Variants in PTCSC3 observed in about 807,000 individuals in gnomAD.
PTCSC3 encodes papillary thyroid carcinoma susceptibility candidate 3 (non-protein coding).
At chr14:36,143,228 A>G (rs1211482480) in intron 3 of PTCSC3, among the ~76,000 whole-genome samples, 9 of 146,518 alleles carry the variant, frequency 6.1e-5, no homozygotes, top group African/African-American at 2.3e-4. Flanking sequence ...CTGAGGAATC[A>G]CCACACTGAC....
intron 1 of PTCSC3, among the ~76,000 whole-genome samples, chr14:36,163,075 G>C (rs952665374): frequency 7.1e-6 from 1 of 141,236 alleles, no homozygotes; most frequent in African/African-American, 2.5e-5. Context: ...CTCAGGTTCT[G>C]TTATATAAAT....
chr14:36,166,682 AAC>A (rs367799472), intron 1 of PTCSC3, among the ~76,000 whole-genome samples: 325 of 152,280 alleles, frequency 2.1e-3, no homozygotes, highest in Middle Eastern at 6.8e-3. Context: ...CTTTGGTTTT[AAC>A]AGTCATATTC....
rs538647245 is a variant in PTCSC3 at position 36,162,424 on chromosome 14, TCA to T, written n.231+198_231+199del. On this transcript the variant is annotated intron_variant and non_coding_transcript_variant, in intron 2 of 3. Coordinates refer to ENST00000556013, the Ensembl canonical transcript of PTCSC3. ...ACTATGGAAAAGCATAGTATCTGGG[TCA>T]AAGTGCACCCTTCCTCATGGCACAG... is the stretch of plus-strand genomic sequence containing the variant. Among the ~76,000 whole-genome samples the T allele has an allele frequency of 2.3e-3, 357 of 152,098 alleles. 1 individual carries two copies. Among genetic ancestry groups the T allele is most frequent in the Middle Eastern group, 0.01 (3 of 294 alleles).
chr14:36,138,302 T>C (rs1881334796), intron 3 of PTCSC3, among the ~76,000 whole-genome samples: 1 of 152,188 alleles, frequency 6.6e-6, no homozygotes, highest in African/African-American at 2.4e-5. Context: ...GTCCTTGGTA[T>C]AGGCAAAGAT....
intron 3 of PTCSC3, among the ~76,000 whole-genome samples, chr14:36,148,395 C>G (rs546696195): frequency 2.0e-5 from 3 of 152,134 alleles, no homozygotes; most frequent in African/African-American, 7.2e-5. Flanking sequence ...GTCGGAAAAG[C>G]GCAGTATTCG....
intron 3 of PTCSC3, among the ~76,000 whole-genome samples, chr14:36,148,072 C>T (rs1295926324): frequency 2.0e-5 from 3 of 152,128 alleles, no homozygotes; most frequent in Admixed American, 2.0e-4. Flanking sequence ...TCAAAGCTGT[C>T]AGACAGGGAC....
At chr14:36,141,403 G>T (rs1376614655) in intron 3 of PTCSC3, among the ~76,000 whole-genome samples, 1 of 151,698 alleles carries the variant, frequency 6.6e-6, no homozygotes, top group African/African-American at 2.4e-5. Context: ...GATTTTCTTT[G>T]ATATTTTTCA....
At chr14:36,142,946 T>G (rs1158332757) in intron 3 of PTCSC3, among the ~76,000 whole-genome samples, 1 of 152,036 alleles carries the variant, frequency 6.6e-6, no homozygotes, top group African/African-American at 2.4e-5. Flanking sequence ...CTGAGAATGA[T>G]GATTTCCAAT....
At chr14:36,142,268 A>G (rs1881440857) in intron 3 of PTCSC3, among the ~76,000 whole-genome samples, 1 of 152,180 alleles carries the variant, frequency 6.6e-6, no homozygotes, top group African/African-American at 2.4e-5. Flanking sequence ...TGCTGCATTT[A>G]TTGATATGAT....
intron 3 of PTCSC3, among the ~76,000 whole-genome samples, chr14:36,138,852 G>C (rs1881348570): frequency 6.6e-6 from 1 of 152,102 alleles, no homozygotes; most frequent in Non-Finnish European, 1.5e-5. Flanking sequence ...GGCGCGGGTG[G>C]CTCGCGGCTG....
At chr14:36,165,495 A>G (rs1882068156) in intron 1 of PTCSC3, among the ~76,000 whole-genome samples, 1 of 152,068 alleles carries the variant, frequency 6.6e-6, no homozygotes, top group Non-Finnish European at 1.5e-5. Context: ...CCCCAGCATA[A>G]TGACAACAGA....
intron 2 of PTCSC3, among the ~76,000 whole-genome samples, chr14:36,154,264 G>C (rs905720143): frequency 6.6e-6 from 1 of 152,122 alleles, no homozygotes; most frequent in Non-Finnish European, 1.5e-5. Context: ...CTGGGTGGTA[G>C]TTACATGGAG....
chr14:36,163,633 G>C (rs1232494410), intron 1 of PTCSC3, among the ~76,000 whole-genome samples: 1 of 152,168 alleles, frequency 6.6e-6, no homozygotes, highest in African/African-American at 2.4e-5. Flanking sequence ...ATCTAGAAGG[G>C]CTTTTGCCAG....
chr14:36,148,795 A>G (rs915718820), intron 3 of PTCSC3, among the ~76,000 whole-genome samples: 7 of 152,188 alleles, frequency 4.6e-5, no homozygotes, highest in African/African-American at 1.7e-4. Context: ...TCTAAATATT[A>G]TCACGTTGTG....
chr14:36,176,316 C>T (rs1165045954), exon 1 of PTCSC3: 1 of 151,710 alleles, frequency 6.6e-6, no homozygotes, highest in Non-Finnish European at 1.5e-5. Flanking sequence ...TCTAGTGTTC[C>T]CTCTCAGTGC....
chr14:36,165,880 A>C (rs1430330259), intron 1 of PTCSC3, among the ~76,000 whole-genome samples: 1 of 152,148 alleles, frequency 6.6e-6, no homozygotes, highest in Non-Finnish European at 1.5e-5. Context: ...TTGAAACTGC[A>C]TTTGAAAACT....
intron 3 of PTCSC3, among the ~76,000 whole-genome samples, chr14:36,151,448 G>A (rs981960825): frequency 6.6e-6 from 1 of 152,034 alleles, no homozygotes; most frequent in Admixed American, 6.5e-5. Flanking sequence ...ATTATGATAC[G>A]TTATTACTTC....
At chr14:36,154,451 G>T (rs1881788081) in intron 2 of PTCSC3, among the ~76,000 whole-genome samples, 1 of 152,150 alleles carries the variant, frequency 6.6e-6, no homozygotes, top group South Asian at 2.1e-4. Context: ...TGAGTAGTGA[G>T]ATTTTCATTT....
At chr14:36,148,963 G>T (rs780114930) in intron 3 of PTCSC3, among the ~76,000 whole-genome samples, 5 of 151,768 alleles carry the variant, frequency 3.3e-5, no homozygotes, top group African/African-American at 4.8e-5. Flanking sequence ...TGGTTTTGTT[G>T]ATTTTCTTAT....
Sources: allele counts gnomAD v4.1 joint callset (sites outside exome capture counted in the v4.1 genomes callset), GRCh38; gene constraint gnomAD v4.1.1; transcripts MANE v1.5; gene names NCBI Gene and HGNC (gene_info 2026-07-23, HGNC 2026-07-21).